Variants in ARHGAP21 observed in about 807,000 individuals in gnomAD.
ARHGAP21 encodes the protein Rho GTPase activating protein 21.
Under a neutral mutation model 164.6 loss-of-function variants are expected in ARHGAP21, and 38 were observed. The observed-to-expected ratio is 0.23, with a 90% confidence interval of 0.18 to 0.30. ARHGAP21 has a LOEUF of 0.30. Ranked by LOEUF, ARHGAP21 falls within the 10% of genes least tolerant of loss-of-function variation. The pLI, the probability that ARHGAP21 is intolerant of heterozygous loss-of-function variation, is 1.00. For synonymous variants in ARHGAP21, 766 were observed against 857.9 expected (o/e 0.89, Z 1.87); for missense variants, 1,822 against 2,370.7 (o/e 0.77, Z 4.81).
intron 2 of ARHGAP21, among the ~76,000 whole-genome samples, chr10:24,701,862 A>T (rs1843700199): frequency 6.6e-6 from 1 of 152,158 alleles, no homozygotes. Flanking sequence ...CAGAAGTGAT[A>T]ATGCCAGGAT....
chr10:24,597,631 A>T (rs749884092), intron 15 of ARHGAP21, 48 bp from the exon 16 acceptor site: 8 of 1,601,842 alleles, frequency 5.0e-6, no homozygotes, highest in Admixed American at 3.4e-5. Context: ...ATCCCCCTCT[A>T]TCTATGGTTT....
chr10:24,684,481 G>A (rs1842042375), intron 2 of ARHGAP21, among the ~76,000 whole-genome samples: 1 of 152,102 alleles, frequency 6.6e-6, no homozygotes, highest in South Asian at 2.1e-4. Flanking sequence ...TCAGAGAAAT[G>A]CGTACTTCAA....
chr10:24,685,129 C>T (rs1842099211), intron 2 of ARHGAP21, among the ~76,000 whole-genome samples: 2 of 152,106 alleles, frequency 1.3e-5, no homozygotes, highest in South Asian at 2.1e-4. Flanking sequence ...TCTTCCTCAA[C>T]AAACCATGTA....
intron 2 of ARHGAP21, among the ~76,000 whole-genome samples, chr10:24,693,858 A>G (rs180762903): frequency 6.6e-6 from 1 of 152,282 alleles, no homozygotes; most frequent in African/African-American, 2.4e-5. Flanking sequence ...TTTTCCTGTA[A>G]AAGAGTTTTA....
At chr10:24,595,667 A>C in intron 19 of ARHGAP21, 50 bp downstream of exon 19, 1 of 1,545,722 alleles carries the variant, frequency 6.5e-7, no homozygotes, top group African/African-American at 1.4e-5. Context: ...TGGTTTTCCA[A>C]TTGTAACTTG....
chr10:24,708,021 C>T (rs949059216), intron 2 of ARHGAP21, among the ~76,000 whole-genome samples: 1 of 152,102 alleles, frequency 6.6e-6, no homozygotes, highest in Non-Finnish European at 1.5e-5. Context: ...TTATAGGATG[C>T]AGAATATAAA....
Position 24,595,338 on chromosome 10 carries a change from G to C in ARHGAP21, c.3713-148C>G, listed in dbSNP as rs2076532350. Reference sequence around the variant, plus strand: ...TAAATTTCTAAAATGTAAGTTCCCTGCAGGAACCATCCTATATTTACACAG... The same window carrying C: ...TAAATTTCTAAAATGTAAGTTCCCTCCAGGAACCATCCTATATTTACACAG... On this transcript the variant is annotated intron_variant, in intron 19 of 25. Coordinates refer to ENST00000396432, the MANE Select transcript of ARHGAP21 (RefSeq NM_020824.4). The C allele has an allele frequency of 5.5e-6, 4 of 732,732 alleles. No homozygotes were observed. In the Admixed American group the frequency reaches 9.1e-5, roughly 17 times the overall value. 45.4% of individuals were successfully genotyped at this position (732,732 alleles called of 1,614,324 possible).
At chr10:24,696,474 G>A (rs1565179556) in intron 2 of ARHGAP21, among the ~76,000 whole-genome samples, 1 of 152,192 alleles carries the variant, frequency 6.6e-6, no homozygotes, top group Non-Finnish European at 1.5e-5. Flanking sequence ...CAGCATTCAG[G>A]GGCAGTAGGT....
chr10:24,718,772 G>C (rs1353222150), intron 2 of ARHGAP21, among the ~76,000 whole-genome samples: 1 of 151,996 alleles, frequency 6.6e-6, no homozygotes, highest in Non-Finnish European at 1.5e-5. Flanking sequence ...CTTAGCCTAG[G>C]TCAAGAAGCA....
At chr10:24,652,192 C>T (rs1166425810) in intron 4 of ARHGAP21, among the ~76,000 whole-genome samples, 1 of 105,814 alleles carries the variant, frequency 9.5e-6, no homozygotes, top group Non-Finnish European at 2.1e-5. Context: ...AGTCTAGAAA[C>T]AGATCTACAC....
At chr10:24,596,667 A>G in intron 17 of ARHGAP21, 73 bp downstream of exon 17, 1 of 1,595,498 alleles carries the variant, frequency 6.3e-7, no homozygotes, top group Non-Finnish European at 8.6e-7. Flanking sequence ...CTGAAAGGCT[A>G]TATACTCAGA....
At chr10:24,682,957 G>A (rs879797467) in intron 2 of ARHGAP21, among the ~76,000 whole-genome samples, 8 of 151,896 alleles carry the variant, frequency 5.3e-5, no homozygotes, top group Non-Finnish European at 1.2e-4. Context: ...TTAGCCAGGC[G>A]TGGTGGCGGA....
chr10:24,628,515 A>G (rs1292245382), intron 7 of ARHGAP21, among the ~76,000 whole-genome samples: 1 of 152,076 alleles, frequency 6.6e-6, no homozygotes, highest in Non-Finnish European at 1.5e-5. Flanking sequence ...ACATTACTAT[A>G]CCATTTCCAT....
intron 21 of ARHGAP21, among the ~76,000 whole-genome samples, chr10:24,592,581 G>T (rs543860111): frequency 1.1e-3 from 165 of 152,046 alleles, no homozygotes; most frequent in Non-Finnish European, 2.1e-3. Flanking sequence ...ACCGAGTCAG[G>T]TGGACTGCTT....
At chr10:24,665,922 C>T (rs767329769) in intron 4 of ARHGAP21, among the ~76,000 whole-genome samples, 3 of 152,154 alleles carry the variant, frequency 2.0e-5, no homozygotes, top group Non-Finnish European at 4.4e-5. Flanking sequence ...AGGATACTAG[C>T]GGAAAAACTG....
intron 15 of ARHGAP21, 24 bp downstream of exon 15, chr10:24,597,917 TTAAC>T: frequency 6.2e-7 from 1 of 1,600,974 alleles, no homozygotes; most frequent in South Asian, 1.1e-5. Context: ...TATATCCAAA[TTAAC>T]TGCAGGCAAG....
intron 2 of ARHGAP21, among the ~76,000 whole-genome samples, chr10:24,673,651 C>G (rs1215712076): frequency 6.6e-6 from 1 of 151,948 alleles, no homozygotes; most frequent in Non-Finnish European, 1.5e-5. Flanking sequence ...CACTTGAGGC[C>G]AGGAGTTCGA....
At position 24,597,438 on chromosome 10, in the gene ARHGAP21, C is replaced by G; in HGVS notation, c.3334+9G>C. On this transcript the variant is annotated intron_variant, in intron 16 of 25. Coordinates refer to ENST00000396432, the MANE Select transcript of ARHGAP21 (RefSeq NM_020824.4). ...TTATATTTATTTGTTAGAAAGCTAA[C>G]ATCAATACCTTTACTGAGAAGTTTC... 1 of 1,608,390 alleles carries G rather than the reference C, an allele frequency of 6.2e-7. No individual in the cohort carries two copies. The highest frequency in any genetic ancestry group is 8.5e-7 in the Non-Finnish European group (1 of 1,178,532).
At chr10:24,718,538 G>C (rs987067941) in intron 2 of ARHGAP21, among the ~76,000 whole-genome samples, 1 of 152,158 alleles carries the variant, frequency 6.6e-6, no homozygotes, top group Non-Finnish European at 1.5e-5. Flanking sequence ...GATAGAGAGG[G>C]AGATAGAAAG....
Sources: gnomAD v4.1 joint callset for allele counts (sites outside exome capture counted in the v4.1 genomes callset) on GRCh38, gnomAD v4.1.1 for gene constraint, MANE v1.5 for transcripts, NCBI Gene and HGNC (gene_info 2026-07-23, HGNC 2026-07-21) for gene names.